The following DCLK3 variants were observed in gnomAD, a reference collection of about 807,000 sequenced individuals.
DCLK3 encodes serine/threonine-protein kinase DCLK3.
DCLK3 carries 30 observed loss-of-function variants against 46.4 expected under a neutral mutation model. That is an observed-to-expected ratio of 0.65 (90% CI 0.48 to 0.88). DCLK3 has a LOEUF of 0.88. Among genes scored for constraint, DCLK3 ranks in the 40% least tolerant of loss-of-function variants. DCLK3 has a pLI of 0.00. For synonymous variants in DCLK3, 401 were observed against 339.2 expected (o/e 1.18, Z -2.00); for missense variants, 846 against 907.1 (o/e 0.93, Z 0.87).
intron 4 of DCLK3, among the ~76,000 whole-genome samples, chr3:36,717,673 T>C (rs934508329): frequency 6.6e-6 from 1 of 152,184 alleles, no homozygotes; most frequent in African/African-American, 2.4e-5. Context: ...TTTCAGTCTG[T>C]TCCATTCACA....
chr3:36,730,415 C>T (rs565547938), intron 2 of DCLK3, among the ~76,000 whole-genome samples: 3 of 152,292 alleles, frequency 2.0e-5, no homozygotes, highest in East Asian at 1.9e-4. Context: ...TACACACTTA[C>T]CATCTGCCAG....
At position 36,737,119 on chromosome 3, in the gene DCLK3, A is replaced by T. The variant is rs1246110105; in HGVS notation, c.1959+89T>A. Reference sequence around the variant, plus strand: ...ACATAAAAGTAAAATTCTAGTGTGTAAAGGTGACAGAGTATAAAACAATTA... The same window carrying T: ...ACATAAAAGTAAAATTCTAGTGTGTTAAGGTGACAGAGTATAAAACAATTA... On this transcript the variant is annotated intron_variant, in intron 2 of 4. Coordinates refer to ENST00000636136, the MANE Select transcript of DCLK3 (RefSeq NM_001394672.2). The surrounding 1 kb of genome is among the most constrained non-coding windows in gnomAD (Gnocchi z 4.4). 7 of 1,468,154 alleles carry T rather than the reference A, an allele frequency of 4.8e-6. No homozygotes were observed. The highest frequency in any genetic ancestry group is 2.8e-5 in the African/African-American group (2 of 70,276). 90.9% of individuals were successfully genotyped at this position (1,468,154 alleles called of 1,614,324 possible).
rs1701275669 is a variant in DCLK3 at position 36,737,306 on chromosome 3, G to A, written c.1861C>T (p.Pro621Ser). The A allele has an allele frequency of 6.2e-7, 1 of 1,614,006 alleles. No individual in the cohort carries two copies. The highest frequency in any genetic ancestry group is 1.7e-5 in the Admixed American group (1 of 59,990). Residue 621 changes from proline (P) to serine (S), a missense_variant, in exon 2 of 5, where the codon CCC becomes TCC. Pro to Ser is a moderately conservative substitution (Grantham distance 74). Coordinates refer to ENST00000636136, the MANE Select transcript of DCLK3 (RefSeq NM_001394672.2). This position sits in a 1 kb window ranked among gnomAD's most constrained non-coding sequence, Gnocchi z 4.4. Reference sequence around the variant, plus strand: ...TCCATGATCATGAGGGCAGCATCGGGCTCCGGGAACTTCACACTTTCTATG... The same window carrying A: ...TCCATGATCATGAGGGCAGCATCGGACTCCGGGAACTTCACACTTTCTATG... ...AIIESVKFPEPDAALMIMDLC... is the reference protein window; with the variant it reads ...AIIESVKFPESDAALMIMDLC...
At chr3:36,754,800 A>G (rs918777918) in intron 1 of DCLK3, among the ~76,000 whole-genome samples, 1 of 152,200 alleles carries the variant, frequency 6.6e-6, no homozygotes, top group African/African-American at 2.4e-5. Flanking sequence ...ACTTATTTCA[A>G]TTCTAGGACA....
intron 1 of DCLK3, among the ~76,000 whole-genome samples, chr3:36,757,407 TATA>T (rs1383035798): frequency 2.0e-5 from 3 of 152,208 alleles, no homozygotes; most frequent in African/African-American, 7.2e-5. Flanking sequence ...AATCTCACAT[TATA>T]TGGCATGACA....
chr3:36,757,724 T>C (rs1701498729), intron 1 of DCLK3, among the ~76,000 whole-genome samples: 1 of 152,204 alleles, frequency 6.6e-6, no homozygotes, highest in South Asian at 2.1e-4. Context: ...AACACAGTTC[T>C]GGTCTTGAGC....
At chr3:36,718,728 C>T (rs1437373786) in intron 3 of DCLK3, among the ~76,000 whole-genome samples, 1 of 152,150 alleles carries the variant, frequency 6.6e-6, no homozygotes, top group East Asian at 1.9e-4. Flanking sequence ...CCATTGTCTT[C>T]TCTCTCACTT....
chr3:36,724,077 C>T (rs1701095875), intron 2 of DCLK3, among the ~76,000 whole-genome samples: 1 of 152,214 alleles, frequency 6.6e-6, no homozygotes, highest in South Asian at 2.1e-4. Context: ...CCACCTCTTG[C>T]ATTAGCGTGA....
chr3:36,727,218 G>A (rs1701134757), intron 2 of DCLK3, among the ~76,000 whole-genome samples: 1 of 152,172 alleles, frequency 6.6e-6, no homozygotes, highest in Admixed American at 6.5e-5. Flanking sequence ...GAACCCCGGA[G>A]ATGGAGGTTG....
At chr3:36,728,147 C>T (rs1701147617) in intron 2 of DCLK3, among the ~76,000 whole-genome samples, 1 of 152,320 alleles carries the variant, frequency 6.6e-6, no homozygotes, top group South Asian at 2.1e-4. Context: ...AGATTCACCC[C>T]TATGTTGATT....
chr3:36,763,923 A>T (rs1386063486), intron 1 of DCLK3, among the ~76,000 whole-genome samples: 1 of 152,334 alleles, frequency 6.6e-6, no homozygotes, highest in South Asian at 2.1e-4. Flanking sequence ...AAATAAAATC[A>T]GCTCCGGAGA....
intron 1 of DCLK3, among the ~76,000 whole-genome samples, chr3:36,759,128 C>T (rs977519136): frequency 1.3e-5 from 2 of 152,186 alleles, no homozygotes; most frequent in African/African-American, 4.8e-5. Context: ...TAGGAATCTA[C>T]AAGAATTTTT....
chr3:36,758,279 C>T (rs964390741), intron 1 of DCLK3, among the ~76,000 whole-genome samples: 6 of 152,090 alleles, frequency 3.9e-5, no homozygotes, highest in Admixed American at 3.9e-4. Context: ...TCTGAATGGC[C>T]ATGTTATGAC....
At chr3:36,734,446 G>C (rs1431077487) in intron 2 of DCLK3, among the ~76,000 whole-genome samples, 1 of 152,010 alleles carries the variant, frequency 6.6e-6, no homozygotes, top group Non-Finnish European at 1.5e-5. Flanking sequence ...TTCCACATAA[G>C]ATGGCTCAAA....
chr3:36,721,599 G>GC lies in DCLK3; in HGVS notation c.2019dup (p.His674AlafsTer23). 6.2e-7 allele frequency: 1 copy of GC among 1,614,170 alleles called. No individual in the cohort carries two copies. Among genetic ancestry groups the GC allele is most frequent in the Non-Finnish European group, 8.5e-7 (1 of 1,180,026 alleles). ...ACAGTAAATATAGGTCTCACCACAT[G>GC]CTTTGCAAGTCCAAAATCAGCCAAT... On this transcript the variant is annotated frameshift_variant, in exon 3 of 5. Transcript: ENST00000636136. LOFTEE classifies it high-confidence loss of function.
At chr3:36,746,944 C>G (rs1238700860) in intron 1 of DCLK3, among the ~76,000 whole-genome samples, 1 of 152,164 alleles carries the variant, frequency 6.6e-6, no homozygotes, top group Non-Finnish European at 1.5e-5. Context: ...TGCTGTTGGG[C>G]CCTGGATGCA....
rs184188797 is a variant in DCLK3 at position 36,738,350 on chromosome 3, G to A, written c.817C>T (p.Pro273Ser). The A allele has an allele frequency of 2.7e-5, 41 of 1,503,492 alleles. No homozygotes were observed. The African/African-American group carries it at 4.9e-4, about 18-fold the overall frequency. 93.1% of individuals were successfully genotyped at this position (1,503,492 alleles called of 1,614,324 possible). A position where few individuals can be genotyped will look rare whatever the true frequency, so the allele number is the denominator to read the frequency against. Residue 273 changes from proline (P) to serine (S), a missense_variant, in exon 2 of 5, where the codon CCC (proline) becomes TCC (serine). By Grantham distance (74) the Pro-to-Ser change is moderately conservative. Transcript: ENST00000636136. ...GCTTCCCTGGGGGGCTTGCTACTGG[G>A]TTCTGGCTCCCATTTCCCCCTCCCC... is the stretch of plus-strand genomic sequence containing the variant. ...KWGRGKWEPEPSSKPPREATL... is the reference protein window; with the variant it reads ...KWGRGKWEPESSSKPPREATL...
intron 1 of DCLK3, among the ~76,000 whole-genome samples, chr3:36,753,035 T>C (rs1701456560): frequency 1.3e-5 from 2 of 152,170 alleles, no homozygotes; most frequent in Admixed American, 1.3e-4. Flanking sequence ...GGAAAAGAAC[T>C]GTAAGAACAT....
chr3:36,764,277 G>C lies in DCLK3; in HGVS notation c.-14C>G, dbSNP rs1027467991. On this transcript the variant is annotated 5_prime_UTR_variant, in exon 1 of 5. Coordinates refer to ENST00000636136, the MANE Select transcript of DCLK3 (RefSeq NM_001394672.2). The surrounding 1 kb of genome is among the most constrained non-coding windows in gnomAD (Gnocchi z 4.9). The stretch of plus-strand genomic sequence containing the variant: ...GGCGGCGGGCATGGCGCGGCGGCGG[G>C]CTCGGGGAGAGCCTGGAGCAGAGGT... 1 of 240,464 alleles carries C rather than the reference G, an allele frequency of 4.2e-6. No individual in the cohort carries two copies. Among genetic ancestry groups the C allele is most frequent in the African/African-American group, 2.3e-5 (1 of 43,408 alleles). 14.9% of individuals were successfully genotyped at this position (240,464 alleles called of 1,614,324 possible). A position where few individuals can be genotyped will look rare whatever the true frequency, so the allele number is the denominator to read the frequency against.
Sources: gnomAD v4.1 joint callset for allele counts (sites outside exome capture counted in the v4.1 genomes callset) on GRCh38, gnomAD v4.1.1 for gene constraint, Gnocchi (gnomAD v3.1) non-coding constraint, MANE v1.5 for transcripts, NCBI Gene and HGNC (gene_info 2026-07-23, HGNC 2026-07-21) for gene names.